CRACR2A: variants seen among roughly 807,000 people sequenced by gnomAD.
CRACR2A encodes the protein EF-hand calcium-binding domain-containing protein 4B.
A neutral mutation model predicts 90.5 loss-of-function variants in CRACR2A; 79 were observed. That is an observed-to-expected ratio of 0.87 (90% confidence interval 0.73 to 1.05). The LOEUF (loss-of-function observed/expected upper bound fraction) is 1.05, where lower values mean the gene tolerates loss of function less well. Ranked by LOEUF, CRACR2A falls within the 50% of genes least tolerant of loss-of-function variation. The pLI is 0.00. For missense variants in CRACR2A, 823 were observed against 897.2 expected (o/e 0.92, Z 1.06); for synonymous variants, 338 against 356.7 (o/e 0.95, Z 0.59).
chr12:3,623,855 G>C (rs2137289384), intron 17 of CRACR2A, among the ~76,000 whole-genome samples: 1 of 152,284 alleles, frequency 6.6e-6, no homozygotes, highest in African/African-American at 2.4e-5. Flanking sequence ...GTGCTCTCTT[G>C]CACCAAAGGA....
chr12:3,704,540 C>A (rs1413761687), intron 3 of CRACR2A, among the ~76,000 whole-genome samples: 1 of 152,066 alleles, frequency 6.6e-6, no homozygotes, highest in Non-Finnish European at 1.5e-5. Context: ...TAAAACTGAT[C>A]AAATGGTACA....
At chr12:3,624,744 C>T (rs1366655307) in intron 17 of CRACR2A, among the ~76,000 whole-genome samples, 1 of 152,218 alleles carries the variant, frequency 6.6e-6, no homozygotes, top group African/African-American at 2.4e-5. Context: ...ATCCCTGGAC[C>T]ACCAGCATCA....
At chr12:3,661,143 C>G (rs1055572953) in intron 7 of CRACR2A, among the ~76,000 whole-genome samples, 3 of 152,200 alleles carry the variant, frequency 2.0e-5, no homozygotes, top group Non-Finnish European at 4.4e-5. Context: ...TTTGCCACAG[C>G]CCAATTTCTG....
intron 17 of CRACR2A, 89 bp from the exon 18 acceptor site, chr12:3,619,461 C>T (rs757251640): frequency 1.5e-4 from 148 of 1,014,838 alleles, no homozygotes; most frequent in Non-Finnish European, 2.1e-4. Context: ...CAGATGGGAC[C>T]TCGCTTGAGA....
At chr12:3,739,930 C>A (rs372289877) in intron 1 of CRACR2A, among the ~76,000 whole-genome samples, 23 of 144,316 alleles carry the variant, frequency 1.6e-4, no homozygotes, top group Non-Finnish European at 1.8e-4. Flanking sequence ...GACTCCGTCT[C>A]AAAAAAAAAA....
At chr12:3,624,547 T>G (rs952145778) in intron 17 of CRACR2A, among the ~76,000 whole-genome samples, 2 of 152,226 alleles carry the variant, frequency 1.3e-5, no homozygotes, top group African/African-American at 2.4e-5. Flanking sequence ...ACTCTGCCAT[T>G]TGACACAGCC....
At chr12:3,681,054 C>G (rs377235600) in intron 4 of CRACR2A, among the ~76,000 whole-genome samples, 15 of 151,540 alleles carry the variant, frequency 9.9e-5, no homozygotes, top group African/African-American at 3.2e-4. Flanking sequence ...TACCACGATG[C>G]GGGTGCGGGT....
chr12:3,640,592 T>C (rs747046331), intron 13 of CRACR2A: 52 of 1,294,112 alleles, frequency 4.0e-5, no homozygotes, highest in Non-Finnish European at 5.2e-5. Context: ...CCAAATTGTA[T>C]CTCATTATTC....
chr12:3,720,725 G>A (rs1035054106), intron 2 of CRACR2A, among the ~76,000 whole-genome samples: 5 of 152,152 alleles, frequency 3.3e-5, no homozygotes, highest in African/African-American at 1.2e-4. Context: ...TCCAATCCTC[G>A]CTCAAGAGCC....
intron 10 of CRACR2A, 55 bp downstream of exon 10, chr12:3,654,157 A>G: frequency 2.5e-6 from 4 of 1,584,132 alleles, no homozygotes; most frequent in Non-Finnish European, 3.4e-6. Context: ...GGACATGCCC[A>G]TAGTGGGGAG....
chr12:3,642,506 C>T (rs1227030704), intron 12 of CRACR2A, among the ~76,000 whole-genome samples: 9 of 152,176 alleles, frequency 5.9e-5, no homozygotes, highest in Non-Finnish European at 1.0e-4. Context: ...TGAGCCACCA[C>T]GCCTGGTCAG....
At chr12:3,641,101 T>C (rs965395103) in intron 13 of CRACR2A, among the ~76,000 whole-genome samples, 3 of 152,160 alleles carry the variant, frequency 2.0e-5, no homozygotes. Flanking sequence ...ATCCTAGCAC[T>C]TTGGGAGGCC....
chr12:3,687,363 C>T (rs1945576968), intron 4 of CRACR2A, among the ~76,000 whole-genome samples: 1 of 152,014 alleles, frequency 6.6e-6, no homozygotes, highest in Non-Finnish European at 1.5e-5. Context: ...ACTGTCCAAC[C>T]AGCCCCAGTG....
intron 3 of CRACR2A, among the ~76,000 whole-genome samples, chr12:3,705,802 T>C (rs1209638511): frequency 6.6e-6 from 1 of 152,202 alleles, no homozygotes; most frequent in Non-Finnish European, 1.5e-5. Flanking sequence ...CGGAATTGAA[T>C]TGACTTATAG....
rs148809643 is a variant in CRACR2A at position 3,680,256 on chromosome 12, C to T, written c.322G>A (p.Glu108Lys). ...ADGNGYLTPQ[E>K]FTTGFSHFFF... ...AACTTACTAAATCCAGTAGTGAACT[C>T]CTGTGGGGTCAGATAGCCATTGCCA... The change falls in exon 5 of 20, where the codon GAG becomes AAG. Residue 108 changes from glutamate (E) to lysine (K), a missense_variant. Transcript: ENST00000440314. 21 of 1,614,028 alleles carry T rather than the reference C, an allele frequency of 1.3e-5. No homozygotes were observed. In the African/African-American group the frequency reaches 2.5e-4, roughly 19 times the overall value.
chr12:3,682,905 C>T (rs996942751), intron 4 of CRACR2A, among the ~76,000 whole-genome samples: 1 of 151,960 alleles, frequency 6.6e-6, no homozygotes, highest in Middle Eastern at 3.2e-3. Context: ...GCCACAGCCT[C>T]CTGGGTAGCT....
At chr12:3,682,067 A>G (rs1945465415) in intron 4 of CRACR2A, among the ~76,000 whole-genome samples, 2 of 152,222 alleles carry the variant, frequency 1.3e-5, no homozygotes, top group Non-Finnish European at 2.9e-5. Flanking sequence ...ACGGGTGAGG[A>G]GAGAGTCAAT....
chr12:3,638,495 C>G (rs1182684380), intron 13 of CRACR2A, 41 bp from the exon 14 acceptor site: 1 of 1,485,280 alleles, frequency 6.7e-7, no homozygotes, highest in Non-Finnish European at 9.0e-7. Flanking sequence ...GAGGATTTCA[C>G]AAAATATTTC....
At chr12:3,647,885 C>A (rs774625088) in intron 11 of CRACR2A, 84 of 985,336 alleles carry the variant, frequency 8.5e-5, no homozygotes, top group Non-Finnish European at 9.9e-5. Context: ...ATCAAAAATT[C>A]CATCTTTCCC....
Sources: allele counts gnomAD v4.1 joint callset (sites outside exome capture counted in the v4.1 genomes callset), GRCh38; gene constraint gnomAD v4.1.1; transcripts MANE v1.5; gene names NCBI Gene and HGNC (gene_info 2026-07-23, HGNC 2026-07-21).